SLC26A9: variants seen among roughly 807,000 people sequenced by gnomAD.
The protein encoded by SLC26A9 is solute carrier family 26 member 9.
A neutral mutation model predicts 87.1 loss-of-function variants in SLC26A9; 46 were observed. The observed-to-expected ratio is 0.53, with a 90% CI of 0.42 to 0.67. SLC26A9 has a LOEUF of 0.67. Ranked by LOEUF, SLC26A9 falls within the 30% of genes least tolerant of loss-of-function variation. SLC26A9 has a pLI of 0.00. For missense variants in SLC26A9, 927 were observed against 1,018.3 expected, an observed-to-expected ratio of 0.91 and a Z score of 1.22; for synonymous variants, 437 against 409.1, an observed-to-expected ratio of 1.07 and a Z score of -0.82.
At chr1:205,919,107 A>G in intron 18 of SLC26A9, 122 bp from the exon 19 acceptor site, 1 of 1,231,368 alleles carries the variant, frequency 8.1e-7, no homozygotes, top group Non-Finnish European at 1.1e-6. Flanking sequence ...CTCTTGCTGT[A>G]TCTGAGGGCC....
chr1:205,918,287 A>C (rs891575157), intron 19 of SLC26A9, among the ~76,000 whole-genome samples: 5 of 151,804 alleles, frequency 3.3e-5, no homozygotes, highest in African/African-American at 7.3e-5. Flanking sequence ...AGTCTTCTGG[A>C]GTTTTAGATG....
intron 5 of SLC26A9, 128 bp downstream of exon 5, chr1:205,931,732 G>T: frequency 7.8e-7 from 1 of 1,275,612 alleles, no homozygotes; most frequent in Non-Finnish European, 1.1e-6. Flanking sequence ...CTCCCAAAGT[G>T]CTGGGATTAC....
chr1:205,927,223 A>T lies in SLC26A9; in HGVS notation c.1281T>A (p.Tyr427Ter). 1 of 1,614,020 alleles carries T rather than the reference A, an allele frequency of 6.2e-7. No individual in the cohort carries two copies. Among genetic ancestry groups the T allele is most frequent in the Non-Finnish European group, 8.5e-7 (1 of 1,179,976 alleles). Reference sequence around the variant, plus strand: ...GCTGGGCTCTTACCTTAGGGAGAGGATACAGATAGATCCCCAGGACCAGCA... The same window carrying T: ...GCTGGGCTCTTACCTTAGGGAGAGGTTACAGATAGATCCCCAGGACCAGCA... The part of the protein sequence containing the change: ...ITMLVLGIYL[Y>*]PLPKSVLGAL... The change falls in exon 11 of 21, where the codon TAT becomes TAA. Residue 427 changes from tyrosine to a stop codon, truncating the protein, a stop_gained. Coordinates refer to ENST00000367135, the MANE Select transcript of SLC26A9 (RefSeq NM_052934.4). LOFTEE classifies it high-confidence loss of function.
At position 205,929,293 on chromosome 1, in the gene SLC26A9, T is replaced by G. The variant is rs371286295; in HGVS notation, c.781A>C (p.Ile261Leu). Reference protein sequence around the residue: ...TNIASLIFALISGAFLVLVKE... With the variant: ...TNIASLIFALLSGAFLVLVKE... ...ACCAGCACCAGGAAGGCACCGCTGATGAGAGCGAAGATGAGCGAGGCGATG... is the reference window on the plus strand; with the variant it reads ...ACCAGCACCAGGAAGGCACCGCTGAGGAGAGCGAAGATGAGCGAGGCGATG... Residue 261 changes from isoleucine (I) to leucine (L), a missense_variant, in exon 7 of 21, where the codon ATC becomes CTC. By Grantham distance (5) the Ile-to-Leu change is conservative (BLOSUM62 2). Transcript: ENST00000367135. 41 of 1,614,058 alleles carry G rather than the reference T, an allele frequency of 2.5e-5. No individual in the cohort carries two copies. The African/African-American group carries it at 3.9e-4, about 15-fold the overall frequency.
intron 1 of SLC26A9, among the ~76,000 whole-genome samples, chr1:205,937,297 C>T (rs976065308): frequency 6.6e-6 from 1 of 152,136 alleles, no homozygotes; most frequent in African/African-American, 2.4e-5. Flanking sequence ...TGCCCAGCCC[C>T]TCGCCTGGCC....
intron 20 of SLC26A9, 128 bp from the exon 21 acceptor site, chr1:205,915,532 G>A: frequency 8.5e-7 from 1 of 1,181,080 alleles, no homozygotes; most frequent in Non-Finnish European, 1.2e-6. Context: ...GTGTGTGTGT[G>A]TGTGTGTGTG....
At chr1:205,930,093 C>T (rs1457151096) in intron 5 of SLC26A9, 37 bp from the exon 6 acceptor site, 1 of 1,565,672 alleles carries the variant, frequency 6.4e-7, no homozygotes, top group Non-Finnish European at 8.7e-7. Flanking sequence ...GGCGGAAGAC[C>T]AATGTGGTTC....
intron 4 of SLC26A9, 96 bp from the exon 5 acceptor site, chr1:205,932,131 A>G: frequency 2.1e-6 from 3 of 1,433,000 alleles, no homozygotes; most frequent in Non-Finnish European, 2.9e-6. Context: ...CCCCAGGGGG[A>G]TGGATCCCTG....
At chr1:205,939,949 C>T (rs1369883302) in intron 1 of SLC26A9, among the ~76,000 whole-genome samples, 1 of 152,204 alleles carries the variant, frequency 6.6e-6, no homozygotes. Context: ...TTCCATCCCC[C>T]TACCGGGCCA....
In SLC26A9 at chr1:205,927,623, G is replaced by A. The variant is rs762272335; in HGVS notation, c.1102-18C>T. On this transcript the variant is annotated intron_variant, in intron 9 of 20. Transcript: ENST00000367135. ...ATCATCTCCTGCAGGGAGGGGACAG[G>A]ATTAGAAGCCAGTGTGGGGCTGGGG... 6 of 1,607,926 alleles carry A rather than the reference G, an allele frequency of 3.7e-6. No individual in the cohort carries two copies. Among genetic ancestry groups the A allele is most frequent in the Non-Finnish European group, 1.7e-6 (2 of 1,176,590 alleles).
intron 16 of SLC26A9, among the ~76,000 whole-genome samples, chr1:205,922,475 C>T (rs999398591): frequency 2.0e-5 from 3 of 152,222 alleles, no homozygotes; most frequent in African/African-American, 4.8e-5. Context: ...CTGGGTTCCC[C>T]AGGAAATTCA....
chr1:205,913,378 G>A lies in SLC26A9; in HGVS notation c.*1979C>T, dbSNP rs1266434592. The A allele has an allele frequency of 6.6e-6, 1 of 152,614 alleles. No individual in the cohort carries two copies. Among genetic ancestry groups the A allele is most frequent in the Non-Finnish European group, 1.5e-5 (1 of 68,058 alleles). 9.5% of individuals were successfully genotyped at this position (152,614 alleles called of 1,614,324 possible). The stretch of plus-strand genomic sequence containing the variant: ...AGCGGGCTCTGCAACCCTCAGACAT[G>A]TGGCAGATCTCTCCCTGAGCCTCAA... On this transcript the variant is annotated 3_prime_UTR_variant, in exon 21 of 21. Coordinates refer to ENST00000367135, the MANE Select transcript of SLC26A9 (RefSeq NM_052934.4).
Position 205,921,652 on chromosome 1 carries a change from G to A in SLC26A9, c.1969C>T (p.Pro657Ser). The change falls in exon 17 of 21, where the codon CCA (proline) becomes TCA (serine). Residue 657 changes from proline (P) to serine (S), a missense_variant. Coordinates refer to ENST00000367135, the MANE Select transcript of SLC26A9 (RefSeq NM_052934.4). ...AGGGTGTGGAAGGTGACGAAGGGTG[G>A]GACGCTGGCCAGCATGTCACTGGGC... ...GEPSDMLASV[P>S]PFVTFHTLIL... is the part of the protein sequence containing the mutation. The A allele has an allele frequency of 6.2e-7, 1 of 1,607,284 alleles. No individual in the cohort carries two copies. Among genetic ancestry groups the A allele is most frequent in the Non-Finnish European group, 8.5e-7 (1 of 1,176,940 alleles).
At chr1:205,924,268 C>T in intron 13 of SLC26A9, 115 bp downstream of exon 13, 1 of 954,982 alleles carries the variant, frequency 1.0e-6, no homozygotes, top group Non-Finnish European at 1.6e-6. Context: ...ACCTCCAGTG[C>T]CAGGCCCAGA....
At position 205,929,213 on chromosome 1, in the gene SLC26A9, C is replaced by T. The variant is rs150461627; in HGVS notation, c.861G>A (p.Glu287=). 3.7e-6 allele frequency: 6 copies of T among 1,613,954 alleles called. No individual in the cohort carries two copies. The highest frequency in any genetic ancestry group is 4.2e-6 in the Non-Finnish European group (5 of 1,179,964). ...MHKIRFPIPT[E]MIVVVVATAI... ...TGAACAAGGTCCTTACCACAATCAT[C>T]TCTGTAGGGATGGGGAAGCGAATCT... Residue 287 remains glutamate (E), a synonymous_variant, in exon 7 of 21, where the codon GAG becomes GAA. Coordinates refer to ENST00000367135, the MANE Select transcript of SLC26A9 (RefSeq NM_052934.4).
At chr1:205,921,068 G>A (rs900813129) in intron 17 of SLC26A9, among the ~76,000 whole-genome samples, 9 of 152,232 alleles carry the variant, frequency 5.9e-5, no homozygotes, top group East Asian at 1.9e-4. Flanking sequence ...GCTGACTCCC[G>A]CCATTGGCGG....
At chr1:205,942,647 G>A (rs1486561140) in intron 1 of SLC26A9, among the ~76,000 whole-genome samples, 1 of 152,214 alleles carries the variant, frequency 6.6e-6, no homozygotes, top group Admixed American at 6.5e-5. Context: ...AGAGCCTGGA[G>A]AGCTGGCTGC....
chr1:205,917,787 T>C (rs1414138167), intron 19 of SLC26A9, among the ~76,000 whole-genome samples: 1 of 152,114 alleles, frequency 6.6e-6, no homozygotes, highest in Non-Finnish European at 1.5e-5. Context: ...TGGTCTATAA[T>C]ATGTAAGTAT....
At position 205,927,615 on chromosome 1, in the gene SLC26A9, G is replaced by T. The variant is rs539352855; in HGVS notation, c.1102-10C>A. 13 of 1,611,256 alleles carry T rather than the reference G, an allele frequency of 8.1e-6. No individual in the cohort carries two copies. The East Asian group carries it at 2.9e-4, about 36-fold the overall frequency. ...CGAGAGCGATCATCTCCTGCAGGGA[G>T]GGGACAGGATTAGAAGCCAGTGTGG... On this transcript the variant is annotated splice_polypyrimidine_tract_variant and intron_variant, in intron 9 of 20. Transcript: ENST00000367135.
Sources: gnomAD v4.1 joint callset for allele counts (sites outside exome capture counted in the v4.1 genomes callset) on GRCh38, gnomAD v4.1.1 for gene constraint, MANE v1.5 for transcripts, NCBI Gene and HGNC (gene_info 2026-07-23, HGNC 2026-07-21) for gene names.